The following PPFIA1 variants were observed in gnomAD, a reference collection of about 807,000 sequenced individuals.
PPFIA1 encodes the protein PPFI scaffold protein A1.
A neutral mutation model predicts 149.9 loss-of-function variants in PPFIA1; 25 were observed. That is an observed-to-expected ratio of 0.17 (90% CI 0.12 to 0.23). The LOEUF (loss-of-function observed/expected upper bound fraction) is 0.23, where lower values mean the gene tolerates loss of function less well. PPFIA1 is among the 10% of genes least tolerant of loss of function. The probability of loss-of-function intolerance (pLI) is 1.00; values close to 1 mark genes in which losing one functional copy is unlikely to be tolerated. For synonymous variants in PPFIA1, 549 were observed against 552.8 expected (o/e 0.99, Z 0.10); for missense variants, 1,362 against 1,506.5 (o/e 0.90, Z 1.59).
chr11:70,365,968 G>T (rs1258691900), intron 21 of PPFIA1: 1 of 456,530 alleles, frequency 2.2e-6, no homozygotes, highest in Non-Finnish European at 4.4e-6. Context: ...CTGGGCTCAG[G>T]TTGGAGTCTT....
chr11:70,316,059 C>G (rs903890436), intron 2 of PPFIA1, among the ~76,000 whole-genome samples: 1 of 151,886 alleles, frequency 6.6e-6, no homozygotes, highest in African/African-American at 2.4e-5. Flanking sequence ...TCAGAATTTC[C>G]TTCCTTTTTT....
chr11:70,334,453 C>A (rs2054851181), intron 10 of PPFIA1: 1 of 152,078 alleles, frequency 6.6e-6, no homozygotes, highest in South Asian at 2.1e-4. Flanking sequence ...TTAGGCAGTC[C>A]CCACCTCCCC....
At chr11:70,306,712 G>C (rs1263636496) in intron 2 of PPFIA1, among the ~76,000 whole-genome samples, 1 of 152,114 alleles carries the variant, frequency 6.6e-6, no homozygotes. Flanking sequence ...TGACTCTGCT[G>C]GATAAAAATG....
rs1252672946 is a variant in PPFIA1, at chr11:70,339,256, C to G, written c.1657C>G (p.Arg553Gly). Residue 553 changes from arginine (R) to glycine (G), a missense_variant, in exon 14 of 28, where the codon CGG (arginine) becomes GGG (glycine). By Grantham distance (125) the Arg-to-Gly change is moderately radical. This residue lies in a region of PPFIA1 where 733 missense variants were observed against 744.1 expected (regional missense o/e 0.99). Coordinates refer to ENST00000253925, the MANE Select transcript of PPFIA1 (RefSeq NM_003626.5). The stretch of plus-strand genomic sequence containing the variant: ...CTCCTACAGCACCAGTGCAGTGCTG[C>G]GGCGCCCACAGAAAGGCCGGCTGGC... ...TDSYSTSAVL[R>G]RPQKGRLAAL... The G allele has an allele frequency of 3.1e-6, 5 of 1,614,024 alleles. No individual in the cohort carries two copies. The African/African-American group carries it at 5.3e-5, about 17-fold the overall frequency.
chr11:70,349,656 G>A (rs1165919841), intron 16 of PPFIA1, among the ~76,000 whole-genome samples: 1 of 152,024 alleles, frequency 6.6e-6, no homozygotes, highest in Admixed American at 6.5e-5. Flanking sequence ...TCATTTTAGT[G>A]GCATATGAGG....
At chr11:70,325,731 A>G (rs12280045) in intron 5 of PPFIA1, among the ~76,000 whole-genome samples, 157 bp downstream of exon 5, 33,217 of 151,960 alleles carry the variant, frequency 0.22, 5,532 homozygotes, top group African/African-American at 0.46. Context: ...CAGGAGTTCC[A>G]AGACCAGCCT....
At chr11:70,285,776 C>A (rs12295111) in intron 2 of PPFIA1, among the ~76,000 whole-genome samples, 33,269 of 151,550 alleles carry the variant, frequency 0.22, 5,554 homozygotes, top group African/African-American at 0.47. Flanking sequence ...ATACTGTTTT[C>A]ATGCAGTATA....
chr11:70,326,554 C>T, intron 6 of PPFIA1, 43 bp from the exon 7 acceptor site: 1 of 1,481,234 alleles, frequency 6.8e-7, no homozygotes, highest in Non-Finnish European at 9.3e-7. Context: ...TTTTATAGCT[C>T]ACCAAACAAG....
At chr11:70,314,815 C>A (rs915447409) in intron 2 of PPFIA1, among the ~76,000 whole-genome samples, 1 of 152,022 alleles carries the variant, frequency 6.6e-6, no homozygotes. Flanking sequence ...GTTCTCACAC[C>A]GCTATGAAAA....
intron 17 of PPFIA1, among the ~76,000 whole-genome samples, chr11:70,354,801 G>A (rs946525051): frequency 2.0e-4 from 30 of 151,974 alleles, no homozygotes; most frequent in African/African-American, 6.3e-4. Flanking sequence ...TATTGGAACC[G>A]CTCTCTAGGA....
At chr11:70,314,355 A>G (rs1157062161) in intron 2 of PPFIA1, among the ~76,000 whole-genome samples, 1 of 152,146 alleles carries the variant, frequency 6.6e-6, no homozygotes, top group Admixed American at 6.5e-5. Flanking sequence ...GACCGAGACA[A>G]CCCAGGCTGG....
chr11:70,298,257 G>A lies in PPFIA1; in HGVS notation c.264+25821G>A, dbSNP rs537323391. Reference sequence around the variant, plus strand: ...CAAGAAATATTGCCTTTTTGGTTGTGTGTAGTGGGGTGCTGAGCTGAGTGG... The same window carrying A: ...CAAGAAATATTGCCTTTTTGGTTGTATGTAGTGGGGTGCTGAGCTGAGTGG... On this transcript the variant is annotated intron_variant, in intron 2 of 27. Transcript: ENST00000253925. 6.6e-5 allele frequency among the ~76,000 whole-genome samples: 10 copies of A among 152,316 alleles called. No homozygotes were observed. In the East Asian group the frequency reaches 1.9e-3, roughly 29 times the overall value.
Position 70,371,180 on chromosome 11 carries a change from A to G in PPFIA1, c.2866-1035A>G, listed in dbSNP as rs181381908. The G allele has an allele frequency of 6.6e-5, 10 of 152,326 alleles. 1 individual carries two copies. Among genetic ancestry groups the G allele is most frequent in the Admixed American group, 5.2e-4 (8 of 15,294 alleles). 9.4% of individuals were successfully genotyped at this position (152,326 alleles called of 1,614,324 possible). Reference sequence around the variant, plus strand: ...TTTAGAAGTATGCTAATTTTTAAATATTTAGTAGGGGGTTCTAGATAGCTT... The same window carrying G: ...TTTAGAAGTATGCTAATTTTTAAATGTTTAGTAGGGGGTTCTAGATAGCTT... On this transcript the variant is annotated intron_variant, in intron 21 of 27. Coordinates refer to ENST00000253925, the MANE Select transcript of PPFIA1 (RefSeq NM_003626.5).
At chr11:70,353,164 A>G (rs1056482515) in intron 16 of PPFIA1, among the ~76,000 whole-genome samples, 4 of 152,184 alleles carry the variant, frequency 2.6e-5, no homozygotes, top group Non-Finnish European at 5.9e-5. Flanking sequence ...CCTGAGCCAC[A>G]GTGGGGCTAC....
intron 2 of PPFIA1, among the ~76,000 whole-genome samples, chr11:70,276,730 T>G (rs1190946046): frequency 6.6e-6 from 1 of 152,122 alleles, no homozygotes; most frequent in East Asian, 1.9e-4. Context: ...TTTCTTCATG[T>G]GTCTATTTAG....
At chr11:70,339,083 T>G in intron 13 of PPFIA1, 88 bp from the exon 14 acceptor site, 1 of 1,513,634 alleles carries the variant, frequency 6.6e-7, no homozygotes. Flanking sequence ...TGGAATAACT[T>G]TTCCAAATTG....
intron 2 of PPFIA1, among the ~76,000 whole-genome samples, chr11:70,282,678 G>A (rs957043513): frequency 1.3e-5 from 2 of 150,294 alleles, no homozygotes; most frequent in African/African-American, 4.9e-5. Flanking sequence ...ACAGGTGCCC[G>A]CCACTACATC....
chr11:70,317,362 A>T (rs963735374), intron 2 of PPFIA1, among the ~76,000 whole-genome samples: 5 of 152,154 alleles, frequency 3.3e-5, no homozygotes, highest in African/African-American at 1.2e-4. Flanking sequence ...GCTAAGTTTA[A>T]ATTTGCTTTG....
chr11:70,325,624 T>C, intron 5 of PPFIA1, 50 bp downstream of exon 5: 1 of 1,377,596 alleles, frequency 7.3e-7, no homozygotes, highest in Non-Finnish European at 1.0e-6. Flanking sequence ...GTTATTTTTA[T>C]CCTTTAATTA....
Sources: allele counts gnomAD v4.1 joint callset (sites outside exome capture counted in the v4.1 genomes callset), GRCh38; gene constraint gnomAD v4.1.1; regional missense constraint gnomAD v4.1.1; transcripts MANE v1.5; gene names NCBI Gene and HGNC (gene_info 2026-07-23, HGNC 2026-07-21).